The following ZSCAN5B variants were observed in gnomAD, a reference collection of about 807,000 sequenced individuals.
The protein encoded by ZSCAN5B is zinc finger and SCAN domain-containing protein 5B.
A neutral mutation model predicts 25.2 loss-of-function variants in ZSCAN5B; 26 were observed. The observed-to-expected ratio is 1.03, with a 90% CI of 0.76 to 1.43. The LOEUF (loss-of-function observed/expected upper bound fraction) is 1.43. ZSCAN5B is among the 40% of genes most tolerant of loss of function. The probability of loss-of-function intolerance (pLI) is 0.00; values close to 1 mark genes in which losing one functional copy is unlikely to be tolerated. For synonymous variants in ZSCAN5B, 244 were observed against 240.9 expected (o/e 1.01, Z -0.12); for missense variants, 745 against 622.1 (o/e 1.20, Z -2.10).
At chr19:56,196,182 GC>G (rs2122208368) in intron 1 of ZSCAN5B, among the ~76,000 whole-genome samples, 1 of 152,212 alleles carries the variant, frequency 6.6e-6, no homozygotes, top group Admixed American at 6.5e-5. Context: ...CTCCCGAGTA[GC>G]TGGGATTATA....
rs113592433 is a variant in ZSCAN5B at position 56,191,730 on chromosome 19, C to T, written c.588+120G>A. Reference sequence around the variant, plus strand: ...ATGAATGTTTGGGGATGTATCATGTCCATGGGGAATGGCTCTAATCTTGTC... The same window carrying T: ...ATGAATGTTTGGGGATGTATCATGTTCATGGGGAATGGCTCTAATCTTGTC... On this transcript the variant is annotated intron_variant, in intron 3 of 4. Transcript: ENST00000586855. The T allele has an allele frequency of 2.3e-4, 211 of 898,858 alleles. 1 individual carries two copies. The African/African-American group carries it at 3.4e-3, about 14-fold the overall frequency. 55.7% of individuals were successfully genotyped at this position (898,858 alleles called of 1,614,324 possible).
At chr19:56,191,879 G>A (rs527025) in exon 3 of ZSCAN5B, 495,783 of 1,613,556 alleles carry the variant, frequency 0.31, 77,776 homozygotes, top group Non-Finnish European at 0.32. Flanking sequence ...GCGACCCTGG[G>A]CAGGATCTGC....
At chr19:56,197,378 C>T (rs937000825) in intron 1 of ZSCAN5B, among the ~76,000 whole-genome samples, 8 of 152,038 alleles carry the variant, frequency 5.3e-5, no homozygotes, top group Non-Finnish European at 8.8e-5. Context: ...GCGGGTATTA[C>T]GGGCGCCCGC....
exon 3 of ZSCAN5B, chr19:56,191,946 C>T: frequency 1.9e-6 from 3 of 1,614,072 alleles, no homozygotes; most frequent in Non-Finnish European, 2.5e-6. Flanking sequence ...AGGAGGCCCA[C>T]TGGCTGGACA....
intron 3 of ZSCAN5B, among the ~76,000 whole-genome samples, chr19:56,191,437 T>C (rs1224260725): frequency 6.6e-6 from 1 of 152,156 alleles, no homozygotes; most frequent in Non-Finnish European, 1.5e-5. Context: ...TTGCCAAATG[T>C]GTCCTTAAAG....
intron 1 of ZSCAN5B, among the ~76,000 whole-genome samples, chr19:56,197,271 C>A (rs2032822408): frequency 6.6e-6 from 1 of 151,590 alleles, no homozygotes; most frequent in African/African-American, 2.4e-5. Flanking sequence ...CTCCTGGGTT[C>A]AAATGACTCT....
rs1276532323 is a variant in ZSCAN5B at position 56,193,008 on chromosome 19, G to T, written c.45C>A (p.Cys15Ter). ...GTGGAGTGTCTGACCCAGGGCTGTT[G>T]CAGGGTCCTCCCTGACCCCATGAGA... The change falls in exon 2 of 5, where the codon TGC becomes TGA. Residue 15 changes from cysteine to a stop codon, truncating the protein, a stop_gained. Coordinates refer to ENST00000586855, the Ensembl canonical transcript of ZSCAN5B. LOFTEE classifies it high-confidence loss of function. 3.1e-6 allele frequency: 5 copies of T among 1,599,470 alleles called. No individual in the cohort carries two copies. Among genetic ancestry groups the T allele is most frequent in the Non-Finnish European group, 4.3e-6 (5 of 1,171,056 alleles).
In ZSCAN5B at chr19:56,190,674, C is replaced by T. The variant is rs997877771; in HGVS notation, c.740-99G>A. The stretch of plus-strand genomic sequence containing the variant: ...AACACTGACCTTGGCTGAGAACTTC[C>T]CCTCAACCTCAAGCCTAAGACATTG... On this transcript the variant is annotated intron_variant, in intron 4 of 4. Coordinates refer to ENST00000586855, the Ensembl canonical transcript of ZSCAN5B. 1.0e-5 allele frequency: 16 copies of T among 1,552,330 alleles called. No homozygotes were observed. In the African/African-American group the frequency reaches 1.2e-4, roughly 12 times the overall value.
In ZSCAN5B at chr19:56,192,942, G is replaced by T. The variant is rs368861394; in HGVS notation, c.111C>A (p.Asp37Glu). 4.3e-6 allele frequency: 7 copies of T among 1,613,660 alleles called. No individual in the cohort carries two copies. In the African/African-American group the frequency reaches 5.3e-5, roughly 12 times the overall value. ...TCATGTGCCAAGTCTCAGGGTTCCT[G>T]TCGTGATTTCCAAGTTGAGTTTCTG... The change falls in exon 2 of 5, where the codon GAC becomes GAA. Residue 37 changes from aspartate (D) to glutamate (E), a missense_variant. Physicochemically the swap from Asp to Glu is conservative, Grantham distance 45. Coordinates refer to ENST00000586855, the Ensembl canonical transcript of ZSCAN5B.
At chr19:56,197,807 TC>T in exon 1 of ZSCAN5B, 1 of 975,946 alleles carries the variant, frequency 1.0e-6, no homozygotes, top group Non-Finnish European at 1.2e-6. Flanking sequence ...CTGAACTGCG[TC>T]TATTTATGGA....
chr19:56,192,756 C>T, exon 2 of ZSCAN5B: 3 of 1,607,128 alleles, frequency 1.9e-6, no homozygotes, highest in Admixed American at 1.7e-5. Flanking sequence ...AGACCTGGAG[C>T]TCCTGGGGCA....
exon 4 of ZSCAN5B, chr19:56,190,849 G>T (rs755607045): frequency 2.5e-6 from 4 of 1,614,032 alleles, no homozygotes; most frequent in Non-Finnish European, 3.4e-6. Context: ...GGACTCTTTG[G>T]AAGCTGAGGC....
At position 56,191,842 on chromosome 19, in the gene ZSCAN5B, A is replaced by C. The variant is rs749505317; in HGVS notation, c.588+8T>G. On this transcript the variant is annotated splice_region_variant and intron_variant, in intron 3 of 4. Coordinates refer to ENST00000586855, the Ensembl canonical transcript of ZSCAN5B. ...CTCTGCCCAGACACCAAGGCCTCAC[A>C]CACTCACCTGCCTCCTGGACAGTGC... The C allele has an allele frequency of 6.2e-7, 1 of 1,612,610 alleles. No homozygotes were observed. The highest frequency in any genetic ancestry group is 1.7e-5 in the Admixed American group (1 of 59,864).
Position 56,192,064 on chromosome 19 carries a change from A to T in ZSCAN5B, c.385-11T>A, listed in dbSNP as rs1457295120. The T allele has an allele frequency of 6.2e-7, 1 of 1,604,234 alleles. No individual in the cohort carries two copies. Among genetic ancestry groups the T allele is most frequent in the Non-Finnish European group, 8.5e-7 (1 of 1,175,514 alleles). ...CAAGTTGACTATAGACTGTAGAGAG[A>T]AAAAAGACAATCAGACACTATGAGA... is the stretch of plus-strand genomic sequence containing the variant. On this transcript the variant is annotated splice_polypyrimidine_tract_variant and intron_variant, in intron 2 of 4. Transcript: ENST00000586855.
intron 2 of ZSCAN5B, among the ~76,000 whole-genome samples, chr19:56,192,302 T>C (rs1348118074): frequency 1.3e-5 from 2 of 152,144 alleles, no homozygotes; most frequent in African/African-American, 4.8e-5. Context: ...ATATTCTGGG[T>C]GAATCCAACT....
chr19:56,192,132 C>T lies in ZSCAN5B; in HGVS notation c.385-79G>A. The T allele has an allele frequency of 1.1e-5, 14 of 1,272,260 alleles. No individual in the cohort carries two copies. The South Asian group carries it at 1.8e-4, about 16-fold the overall frequency. The allele number at this position is 1,272,260 out of a possible 1,614,324, so 78.8% of individuals were successfully genotyped here. ...ATATTTCCTGGGTCCTGCCATAATG[C>T]TCACACTTTACTGTAATTAATGTTC... On this transcript the variant is annotated intron_variant, in intron 2 of 4. Transcript: ENST00000586855.
Position 56,190,162 on chromosome 19 carries a change from AT to A in ZSCAN5B, c.1152del (p.Gln384HisfsTer71). The A allele has an allele frequency of 7.4e-6, 12 of 1,614,016 alleles. No homozygotes were observed. The highest frequency in any genetic ancestry group is 1.0e-5 in the Non-Finnish European group (12 of 1,179,910). On this transcript the variant is annotated frameshift_variant, in exon 5 of 5. Coordinates refer to ENST00000586855, the Ensembl canonical transcript of ZSCAN5B. LOFTEE classifies it low-confidence loss of function (END_TRUNC). ...AAGAAGCGCTTCCGACAGAGATCAC[AT>A]TGAAAGGGTCTGTCTCCTGTGTGTG...
chr19:56,193,117 G>T, exon 2 of ZSCAN5B: 1 of 1,455,792 alleles, frequency 6.9e-7, no homozygotes, highest in South Asian at 1.4e-5. Context: ...ATCAAATTGA[G>T]ACCTATTTAC....
At chr19:56,196,458 A>G (rs113049822) in intron 1 of ZSCAN5B, among the ~76,000 whole-genome samples, 2 of 152,070 alleles carry the variant, frequency 1.3e-5, no homozygotes, top group African/African-American at 4.8e-5. Context: ...GGAAATTGCT[A>G]AGGGAGTCGA....
Sources: gnomAD v4.1 joint callset for allele counts (sites outside exome capture counted in the v4.1 genomes callset) on GRCh38, gnomAD v4.1.1 for gene constraint, MANE v1.5 for transcripts, NCBI Gene and HGNC (gene_info 2026-07-23, HGNC 2026-07-21) for gene names.